THADA: variants seen among roughly 807,000 people sequenced by gnomAD.
The protein encoded by THADA is THADA armadillo repeat containing.
In THADA, 213 loss-of-function variants were observed where a neutral mutation model predicts 219.8. The ratio of observed to expected loss-of-function variants is 0.97; its 90% CI spans 0.87 to 1.09. The LOEUF (loss-of-function observed/expected upper bound fraction) is 1.09. Ranked by LOEUF, THADA falls within the 50% of genes least tolerant of loss-of-function variation. The pLI is 0.00. For synonymous variants in THADA, 1,018 were observed against 828.9 expected, an observed-to-expected ratio of 1.23 and a Z score of -3.92; for missense variants, 2,956 against 2,311.3, an observed-to-expected ratio of 1.28 and a Z score of -5.72.
intron 36 of THADA, among the ~76,000 whole-genome samples, chr2:43,238,009 C>G (rs1408219510): frequency 6.7e-6 from 1 of 148,254 alleles, no homozygotes; most frequent in East Asian, 2.1e-4. Flanking sequence ...GTCCCAGCTA[C>G]TTGGGAGGCT....
intron 25 of THADA, among the ~76,000 whole-genome samples, chr2:43,488,411 A>G (rs949947909): frequency 6.6e-6 from 1 of 152,156 alleles, no homozygotes. Flanking sequence ...TGGATACTTC[A>G]TATACATGGG....
chr2:43,373,730 G>A (rs1389825720), intron 29 of THADA, among the ~76,000 whole-genome samples: 3 of 152,000 alleles, frequency 2.0e-5, no homozygotes, highest in African/African-American at 4.8e-5. Flanking sequence ...TGTCCACCTC[G>A]GCCTCCCAAA....
At chr2:43,320,562 T>A in intron 30 of THADA, 22 bp from the exon 31 acceptor site, 2 of 1,581,852 alleles carry the variant, frequency 1.3e-6, no homozygotes, top group Non-Finnish European at 1.7e-6. Context: ...AAGAACAGAA[T>A]ATAAATTGAG....
rs1221283743 is a variant in THADA, at chr2:43,574,594, C to A, written c.1471G>T (p.Val491Leu). Residue 491 changes from valine (V) to leucine (L), a missense_variant, in exon 11 of 38, where the codon GTA becomes TTA. Val to Leu is a conservative substitution (Grantham distance 32). Coordinates refer to ENST00000405975, the MANE Select transcript of THADA (RefSeq NM_022065.5). Reference protein sequence around the residue: ...ILEVMGDQSLVPYASDLLETM... With the variant: ...ILEVMGDQSLLPYASDLLETM... ...TCCAAGAGGTCACTTGCATAAGGTA[C>A]CAATGACTGGTCTCCCATCACCTCT... is the stretch of plus-strand genomic sequence containing the variant. The A allele has an allele frequency of 6.2e-7, 1 of 1,613,942 alleles. No individual in the cohort carries two copies. The highest frequency in any genetic ancestry group is 8.5e-7 in the Non-Finnish European group (1 of 1,179,880).
chr2:43,369,056 C>T (rs1051874988), intron 29 of THADA, among the ~76,000 whole-genome samples: 4 of 152,328 alleles, frequency 2.6e-5, no homozygotes, highest in South Asian at 2.1e-4. Context: ...AGATGTATCA[C>T]GTGCAACTAA....
chr2:43,387,146 T>A (rs1672788997), intron 29 of THADA, among the ~76,000 whole-genome samples: 1 of 152,224 alleles, frequency 6.6e-6, no homozygotes, highest in Non-Finnish European at 1.5e-5. Context: ...ACAGCAACTG[T>A]ACCTAGCAAT....
intron 29 of THADA, among the ~76,000 whole-genome samples, chr2:43,383,108 G>C (rs1028980443): frequency 4.6e-5 from 7 of 152,030 alleles, no homozygotes; most frequent in Non-Finnish European, 1.0e-4. Flanking sequence ...TTATGGGATG[G>C]GACTAAAATG....
intron 36 of THADA, among the ~76,000 whole-genome samples, chr2:43,266,031 C>T (rs1175677237): frequency 6.7e-6 from 1 of 149,768 alleles, no homozygotes; most frequent in Non-Finnish European, 1.5e-5. Context: ...ACAACCACCA[C>T]TATGTTCTAT....
At chr2:43,265,728 C>T (rs994019070) in intron 36 of THADA, among the ~76,000 whole-genome samples, 13 of 152,098 alleles carry the variant, frequency 8.5e-5, no homozygotes, top group African/African-American at 1.2e-4. Flanking sequence ...GAAAACAACC[C>T]GAATCCTTTT....
chr2:43,560,382 C>A lies in THADA; in HGVS notation c.2315G>T (p.Arg772Ile). 1 of 1,538,744 alleles carries A rather than the reference C, an allele frequency of 6.5e-7. No homozygotes were observed. The highest frequency in any genetic ancestry group is 1.3e-5 in the South Asian group (1 of 78,180). The change falls in exon 16 of 38, where the codon AGA becomes ATA. Residue 772 changes from arginine (R) to isoleucine (I), a missense_variant. Arg to Ile is a moderately conservative substitution (Grantham distance 97). Transcript: ENST00000405975. ...IAEVFHVPEG[R>I]IYTVYQLSHD... is the part of the protein sequence containing the mutation. ...ACTCAGCTGATATACTGTATAAATT[C>A]TGCCTAAAAATATTTTAAAAACAAA...
chr2:43,296,066 C>T (rs184629132), intron 31 of THADA, among the ~76,000 whole-genome samples: 9 of 151,964 alleles, frequency 5.9e-5, no homozygotes, highest in Admixed American at 2.0e-4. Flanking sequence ...ATTACAGGAG[C>T]ATGCCACCAC....
intron 36 of THADA, among the ~76,000 whole-genome samples, chr2:43,278,401 G>A (rs1390933174): frequency 6.6e-6 from 1 of 152,166 alleles, no homozygotes; most frequent in Non-Finnish European, 1.5e-5. Context: ...GGCTGGGTGC[G>A]GAATCTACTG....
chr2:43,495,897 T>G (rs936328050), intron 25 of THADA, among the ~76,000 whole-genome samples: 2 of 152,208 alleles, frequency 1.3e-5, no homozygotes, highest in Non-Finnish European at 2.9e-5. Flanking sequence ...GTAAACTCTG[T>G]GTCCTCAAGA....
At chr2:43,455,533 CACACACACAA>C (rs1159846608) in intron 26 of THADA, among the ~76,000 whole-genome samples, 5 of 152,086 alleles carry the variant, frequency 3.3e-5, no homozygotes, top group Non-Finnish European at 7.4e-5. Context: ...CACACACACA[CACACACACAA>C]ACACACACAA....
intron 30 of THADA, among the ~76,000 whole-genome samples, chr2:43,333,699 T>C (rs1666058097): frequency 6.6e-6 from 1 of 152,182 alleles, no homozygotes; most frequent in South Asian, 2.1e-4. Flanking sequence ...AGCCTTAAAA[T>C]GCCACATGAT....
At chr2:43,442,570 G>A (rs760462975) in intron 26 of THADA, among the ~76,000 whole-genome samples, 4 of 152,166 alleles carry the variant, frequency 2.6e-5, no homozygotes, top group Non-Finnish European at 4.4e-5. Context: ...AGGACTTCAT[G>A]ACGAAAGAAG....
At chr2:43,470,145 C>A (rs1277356159) in intron 26 of THADA, among the ~76,000 whole-genome samples, 3 of 147,446 alleles carry the variant, frequency 2.0e-5, no homozygotes, top group African/African-American at 7.6e-5. Flanking sequence ...GAGGTCGAGG[C>A]AGCAGTGGGC....
At chr2:43,551,956 T>G in intron 18 of THADA, 31 bp from the exon 19 acceptor site, 1 of 1,580,784 alleles carries the variant, frequency 6.3e-7, no homozygotes, top group Non-Finnish European at 8.6e-7. Flanking sequence ...AAATTTATAC[T>G]AAAAGCAAAA....
chr2:43,327,820 C>G (rs1240491930), intron 30 of THADA, among the ~76,000 whole-genome samples: 1 of 152,188 alleles, frequency 6.6e-6, no homozygotes, highest in East Asian at 1.9e-4. Flanking sequence ...GATTACTTTT[C>G]TAATGATCCA....
Sources: allele counts gnomAD v4.1 joint callset (sites outside exome capture counted in the v4.1 genomes callset), GRCh38; gene constraint gnomAD v4.1.1; transcripts MANE v1.5; gene names NCBI Gene and HGNC (gene_info 2026-07-23, HGNC 2026-07-21).